Variants in MROH2A observed in about 807,000 individuals in gnomAD.
MROH2A encodes the protein maestro heat-like repeat-containing protein family member 2A.
In MROH2A, 174 loss-of-function variants were observed where a neutral mutation model predicts 200.4. The observed-to-expected ratio is 0.87, with a 90% CI of 0.77 to 0.98. The LOEUF is 0.98. Ranked by LOEUF, MROH2A falls within the 50% of genes least tolerant of loss-of-function variation. The pLI is 0.00. For synonymous variants in MROH2A, 829 were observed against 840.4 expected, an observed-to-expected ratio of 0.99 and a Z score of 0.23; for missense variants, 2,045 against 2,139.6, an observed-to-expected ratio of 0.96 and a Z score of 0.87.
intron 31 of MROH2A, among the ~76,000 whole-genome samples, chr2:233,821,353 C>T (rs1202796088): frequency 1.3e-5 from 2 of 151,668 alleles, no homozygotes; most frequent in Admixed American, 1.3e-4. Flanking sequence ...CTGATGAGTG[C>T]ACTCTGCCCC....
rs533461681 is a variant in MROH2A, at chr2:233,828,054, C to T, written c.4114-576C>T. Among the ~76,000 whole-genome samples, 4 of 152,228 alleles carry T rather than the reference C, an allele frequency of 2.6e-5. No homozygotes were observed. In the South Asian group the frequency reaches 8.3e-4, roughly 32 times the overall value. The stretch of plus-strand genomic sequence containing the variant: ...AGACAAAACATTTGGAAGCTTAGAG[C>T]AACTGCGCCTAATGGGGGTTTAAGG... On this transcript the variant is annotated intron_variant, in intron 35 of 41. Coordinates refer to ENST00000389758, the MANE Select transcript of MROH2A (RefSeq NM_001394639.1). This position sits in a 1 kb window ranked among gnomAD's most constrained non-coding sequence, Gnocchi z 4.6.
rs557387796 is a variant in MROH2A at position 233,790,678 on chromosome 2, T to C, written c.571+664T>C. 4.1e-4 allele frequency among the ~76,000 whole-genome samples: 38 copies of C among 93,376 alleles called. 3 individuals carry two copies. Among genetic ancestry groups the C allele is most frequent in the African/African-American group, 1.3e-3 (31 of 23,172 alleles). 61.3% of individuals were successfully genotyped at this position (93,376 alleles called of 152,430 possible). On this transcript the variant is annotated intron_variant, in intron 5 of 41. Transcript: ENST00000389758. The stretch of plus-strand genomic sequence containing the variant: ...CCCTCCCCTCCCTCCCTCCCTCCCT[T>C]CCTTCCTTCCTTCCTTCCTTCCTTC...
chr2:233,795,910 GC>G (rs1395054865), intron 9 of MROH2A, 56 bp from the exon 10 acceptor site: 32 of 1,537,624 alleles, frequency 2.1e-5, no homozygotes, highest in Non-Finnish European at 2.8e-5. Context: ...CAGCTGGGCT[GC>G]CCCTGCACCT....
At chr2:233,826,694 A>G (rs1027613844) in intron 35 of MROH2A, among the ~76,000 whole-genome samples, 1 of 152,246 alleles carries the variant, frequency 6.6e-6, no homozygotes, top group East Asian at 1.9e-4. Context: ...ACCAACAGCA[A>G]TTGCAACAAA....
intron 31 of MROH2A, among the ~76,000 whole-genome samples, chr2:233,821,402 C>T (rs201838957): frequency 1.4e-5 from 2 of 143,586 alleles, no homozygotes; most frequent in East Asian, 2.0e-4. Flanking sequence ...CCAGGCACAT[C>T]TCCCTTCAGA....
chr2:233,776,482 G>T (rs1365537737), upstream of MROH2A, among the ~76,000 whole-genome samples: 1 of 150,390 alleles, frequency 6.6e-6, no homozygotes, highest in Non-Finnish European at 1.5e-5. Context: ...TCACCCTCCT[G>T]AGTAGCTGGG....
intron 26 of MROH2A, among the ~76,000 whole-genome samples, 174 bp from the exon 27 acceptor site, chr2:233,816,607 A>T (rs1307631820): frequency 6.6e-6 from 1 of 152,152 alleles, no homozygotes; most frequent in Admixed American, 6.5e-5. Context: ...AATGCTGGGG[A>T]TGCTCTTTCC....
At chr2:233,786,047 A>G (rs1023386321) in intron 3 of MROH2A, among the ~76,000 whole-genome samples, 4 of 152,092 alleles carry the variant, frequency 2.6e-5, no homozygotes, top group Admixed American at 2.0e-4. Context: ...GGTTTCCCTC[A>G]TACTGTTCTC....
rs1704040727 is a variant in MROH2A, at chr2:233,822,864, C to T, written c.3867-17C>T. 3 of 1,549,768 alleles carry T rather than the reference C, an allele frequency of 1.9e-6. No homozygotes were observed. The highest frequency in any genetic ancestry group is 1.7e-6 in the Non-Finnish European group (2 of 1,146,472). On this transcript the variant is annotated splice_polypyrimidine_tract_variant and intron_variant, in intron 33 of 41. Transcript: ENST00000389758. Reference sequence around the variant, plus strand: ...TCCCAGCAGGGCAGCGCATCACAAGCTCCCACCTCCCTTCAGGGTCACTAT... The same window carrying T: ...TCCCAGCAGGGCAGCGCATCACAAGTTCCCACCTCCCTTCAGGGTCACTAT...
intron 26 of MROH2A, among the ~76,000 whole-genome samples, chr2:233,815,194 CCTT>C (rs1346847503): frequency 4.6e-5 from 7 of 152,174 alleles, no homozygotes; most frequent in African/African-American, 2.4e-5. Flanking sequence ...GCTTCACAGT[CCTT>C]CTTTGTCTTT....
intron 26 of MROH2A, among the ~76,000 whole-genome samples, chr2:233,815,845 CTTTTTTT>C (rs5839494): frequency 2.3e-5 from 3 of 129,244 alleles, no homozygotes; most frequent in Non-Finnish European, 3.2e-5. Context: ...TTAGATTTTG[CTTTTTTT>C]TTTTTTTTTT....
chr2:233,829,179 T>C, intron 37 of MROH2A, 107 bp downstream of exon 37: 1 of 1,094,138 alleles, frequency 9.1e-7, no homozygotes, highest in Non-Finnish European at 1.3e-6. Flanking sequence ...AGGCTCCTGC[T>C]GGGTGTCAGT....
At chr2:233,803,563 T>C (rs1461400955) in intron 16 of MROH2A, 75 bp downstream of exon 16, 3 of 1,475,640 alleles carry the variant, frequency 2.0e-6, no homozygotes, top group Non-Finnish European at 2.8e-6. Flanking sequence ...AAACTCCTAA[T>C]TCCCAGAGCC....
intron 22 of MROH2A, 132 bp downstream of exon 22, chr2:233,809,410 G>C (rs906789897): frequency 1.8e-4 from 183 of 1,017,524 alleles, no homozygotes; most frequent in Non-Finnish European, 3.1e-5. Flanking sequence ...CCAGCACGTG[G>C]GAAGCCCATT....
At position 233,829,606 on chromosome 2, in the gene MROH2A, C is replaced by T; in HGVS notation, c.4447-14C>T. On this transcript the variant is annotated splice_polypyrimidine_tract_variant and intron_variant, in intron 37 of 41. Coordinates refer to ENST00000389758, the MANE Select transcript of MROH2A (RefSeq NM_001394639.1). The stretch of plus-strand genomic sequence containing the variant: ...TGCTGCCTGCATGTCAGCCTGTGTC[C>T]ATCCTGGCCACAGGAGAGCGAGCTG... 7.2e-7 allele frequency: 1 copy of T among 1,386,482 alleles called. No individual in the cohort carries two copies. The highest frequency in any genetic ancestry group is 9.4e-7 in the Non-Finnish European group (1 of 1,065,618). The allele number at this position is 1,386,482 out of a possible 1,614,324, so 85.9% of individuals were successfully genotyped here. A position where few individuals can be genotyped will look rare whatever the true frequency, so the allele number is the denominator to read the frequency against.
At chr2:233,823,091 G>T (rs1165594111) in intron 34 of MROH2A, 73 bp downstream of exon 34, 3 of 1,487,760 alleles carry the variant, frequency 2.0e-6, no homozygotes, top group Admixed American at 2.0e-5. Flanking sequence ...AGGGCTCCTT[G>T]TGAGGACATG....
chr2:233,797,005 G>C (rs985202190), intron 11 of MROH2A, among the ~76,000 whole-genome samples: 2 of 152,164 alleles, frequency 1.3e-5, no homozygotes, highest in Non-Finnish European at 2.9e-5. Flanking sequence ...AGTTCACCTG[G>C]TCATTTTTCT....
At chr2:233,803,403 T>G in intron 15 of MROH2A, 45 bp from the exon 16 acceptor site, 1 of 1,546,688 alleles carries the variant, frequency 6.5e-7, no homozygotes, top group Non-Finnish European at 8.7e-7. Flanking sequence ...CATGTCCTGG[T>G]ACAAGCCAGG....
At position 233,807,581 on chromosome 2, in the gene MROH2A, C is replaced by T. The variant is rs1442711530; in HGVS notation, c.2172+39C>T. On this transcript the variant is annotated intron_variant, in intron 20 of 41. Transcript: ENST00000389758. The surrounding 1 kb of genome is among the most constrained non-coding windows in gnomAD (Gnocchi z 4.3). Reference sequence around the variant, plus strand: ...CAGCCTCCTCCTGTCCACCAGATGCCTCTGGACCCTCGGGGACATGTGTGT... The same window carrying T: ...CAGCCTCCTCCTGTCCACCAGATGCTTCTGGACCCTCGGGGACATGTGTGT... The T allele has an allele frequency of 4.5e-6, 7 of 1,548,616 alleles. 1 individual carries two copies. Among genetic ancestry groups the T allele is most frequent in the South Asian group, 2.4e-5 (2 of 83,928 alleles).
Sources: gnomAD v4.1 joint callset for allele counts (sites outside exome capture counted in the v4.1 genomes callset) on GRCh38, gnomAD v4.1.1 for gene constraint, Gnocchi (gnomAD v3.1) non-coding constraint, MANE v1.5 for transcripts, NCBI Gene and HGNC (gene_info 2026-07-23, HGNC 2026-07-21) for gene names.